Variants in HIVEP3 observed in about 807,000 individuals in gnomAD.
HIVEP3 encodes HIVEP zinc finger 3, also known as transcription factor HIVEP3.
Under a neutral mutation model 152.8 loss-of-function variants are expected in HIVEP3, and 49 were observed. The ratio of observed to expected loss-of-function variants is 0.32; its 90% confidence interval spans 0.26 to 0.41. The LOEUF (loss-of-function observed/expected upper bound fraction) is 0.41, where lower values mean the gene tolerates loss of function less well. HIVEP3 is among the 10% of genes least tolerant of loss of function. The pLI, the probability that HIVEP3 is intolerant of heterozygous loss-of-function variation, is 1.00. For synonymous variants in HIVEP3, 1,269 were observed against 1,289.0 expected, an observed-to-expected ratio of 0.98 and a Z score of 0.33; for missense variants, 2,790 against 3,103.3, an observed-to-expected ratio of 0.90 and a Z score of 2.40.
rs867920509 is a variant in HIVEP3 at position 41,658,628 on chromosome 1, G to T, written c.-720-29681C>A. On this transcript the variant is annotated intron_variant, in intron 2 of 8. Transcript: ENST00000372583. ...TTCTCCTGTGATCCTGCTCTGCAGC[G>T]GAGGAAGCAGGGGCTCAAGGGGGTG... Among the ~76,000 whole-genome samples, 8 of 152,178 alleles carry T rather than the reference G, an allele frequency of 5.3e-5. No individual in the cohort carries two copies. The East Asian group carries it at 1.5e-3, about 29-fold the overall frequency.
intron 4 of HIVEP3, among the ~76,000 whole-genome samples, chr1:41,578,022 T>C (rs976575935): frequency 3.9e-5 from 6 of 152,242 alleles, no homozygotes; most frequent in African/African-American, 1.4e-4. Flanking sequence ...TCCTTTCTCT[T>C]AAATGGCCTG....
chr1:41,530,580 C>T (rs573630491), intron 5 of HIVEP3, among the ~76,000 whole-genome samples: 1 of 152,322 alleles, frequency 6.6e-6, no homozygotes, highest in South Asian at 2.1e-4. Context: ...CTAGCCTTCA[C>T]CTGGCCTTGC....
At chr1:41,769,892 A>C (rs1186207999) in intron 1 of HIVEP3, among the ~76,000 whole-genome samples, 1 of 152,252 alleles carries the variant, frequency 6.6e-6, no homozygotes, top group African/African-American at 2.4e-5. Flanking sequence ...AAAGTAGAAA[A>C]ATCACTCTTA....
intron 1 of HIVEP3, among the ~76,000 whole-genome samples, chr1:41,842,070 C>T (rs1360412333): frequency 6.6e-6 from 1 of 151,512 alleles, no homozygotes; most frequent in Non-Finnish European, 1.5e-5. Context: ...TCAGCCCGGG[C>T]AACAGAGAGA....
chr1:41,530,104 CCT>C (rs1643200307), intron 5 of HIVEP3, among the ~76,000 whole-genome samples: 1 of 152,118 alleles, frequency 6.6e-6, no homozygotes, highest in African/African-American at 2.4e-5. Flanking sequence ...ACAGGTGGAC[CCT>C]GTTTTTTTGT....
chr1:41,586,636 T>A (rs1207964366), intron 3 of HIVEP3, among the ~76,000 whole-genome samples: 1 of 152,054 alleles, frequency 6.6e-6, no homozygotes, highest in Non-Finnish European at 1.5e-5. Flanking sequence ...GACTTGAAAA[T>A]GCCACTTACT....
chr1:41,585,359 C>T (rs1436142526), intron 3 of HIVEP3, 41 bp from the exon 4 acceptor site: 1 of 398,886 alleles, frequency 2.5e-6, no homozygotes, highest in Non-Finnish European at 4.4e-6. Context: ...TACACACACA[C>T]AAAAGAGAAG....
At chr1:41,608,413 C>T (rs55766261) in intron 3 of HIVEP3, among the ~76,000 whole-genome samples, 4,233 of 152,328 alleles carry the variant, frequency 0.028, 77 homozygotes, top group Middle Eastern at 0.054. Flanking sequence ...TGCTCAGCTG[C>T]TGTCTCAGAC....
intron 1 of HIVEP3, among the ~76,000 whole-genome samples, chr1:41,886,845 GA>G (rs1557486141): frequency 6.6e-6 from 1 of 151,780 alleles, no homozygotes. Context: ...AGTTTTCACT[GA>G]TGCCTATTCG....
At chr1:41,900,042 G>C (rs1432686510) in intron 1 of HIVEP3, among the ~76,000 whole-genome samples, 2 of 152,088 alleles carry the variant, frequency 1.3e-5, no homozygotes, top group African/African-American at 4.8e-5. Flanking sequence ...GCTTGTGAGA[G>C]TTATTCTGAA....
chr1:41,791,163 C>T (rs1649669233), intron 1 of HIVEP3, among the ~76,000 whole-genome samples: 1 of 144,092 alleles, frequency 6.9e-6, no homozygotes, highest in Non-Finnish European at 1.5e-5. Context: ...CACACACACA[C>T]ACGAGTCTAC....
intron 1 of HIVEP3, among the ~76,000 whole-genome samples, chr1:41,801,339 G>A (rs905755010): frequency 6.6e-6 from 1 of 152,076 alleles, no homozygotes; most frequent in Non-Finnish European, 1.5e-5. Flanking sequence ...GGTTCCTCAA[G>A]GCCATGCCAC....
In HIVEP3 at chr1:41,949,511, G is replaced by A. The variant is rs568831612; in HGVS notation, n.120-30987C>T. ...AGGGGGAACCTGTTTATTTTTAGGG[G>A]AAGAATGCTGTTATTATGTTAATCA... On this transcript the variant is annotated intron_variant and non_coding_transcript_variant, in intron 1 of 3. Transcript: ENST00000489103. Among the ~76,000 whole-genome samples, 44 of 152,152 alleles carry A rather than the reference G, an allele frequency of 2.9e-4. No individual in the cohort carries two copies. In the South Asian group the frequency reaches 8.5e-3, roughly 29 times the overall value.
At chr1:41,954,544 CT>C (rs2124493554) in intron 1 of HIVEP3, among the ~76,000 whole-genome samples, 1 of 152,374 alleles carries the variant, frequency 6.6e-6, no homozygotes, top group African/African-American at 2.4e-5. Context: ...AACCTGGCAG[CT>C]GTTTGCAAGG....
At chr1:41,785,114 ACT>A (rs1350305446) in intron 1 of HIVEP3, among the ~76,000 whole-genome samples, 3 of 151,874 alleles carry the variant, frequency 2.0e-5, no homozygotes, top group Non-Finnish European at 2.9e-5. Flanking sequence ...TGCTCAAATC[ACT>A]CTCTTTCCCC....
At chr1:41,552,453 T>G (rs1643904764) in intron 5 of HIVEP3, among the ~76,000 whole-genome samples, 1 of 147,152 alleles carries the variant, frequency 6.8e-6, no homozygotes. Flanking sequence ...CACCTATGAG[T>G]GAGAATATGC....
At chr1:41,928,449 T>G (rs1352950289) in intron 1 of HIVEP3, among the ~76,000 whole-genome samples, 1 of 152,208 alleles carries the variant, frequency 6.6e-6, no homozygotes, top group Non-Finnish European at 1.5e-5. Context: ...CAGTTTTCAC[T>G]AACAGAAACA....
chr1:42,013,959 C>T (rs1369394703), intron 1 of HIVEP3, among the ~76,000 whole-genome samples: 1 of 152,126 alleles, frequency 6.6e-6, no homozygotes, highest in Admixed American at 6.5e-5. Flanking sequence ...AAAACTATTT[C>T]CCCCCAAAGT....
chr1:42,010,877 C>T (rs1382955212), intron 1 of HIVEP3, among the ~76,000 whole-genome samples: 1 of 152,100 alleles, frequency 6.6e-6, no homozygotes, highest in Admixed American at 6.5e-5. Flanking sequence ...CACCCCACCT[C>T]CAAGGCTCAG....
Sources: allele counts gnomAD v4.1 joint callset (sites outside exome capture counted in the v4.1 genomes callset), GRCh38; gene constraint gnomAD v4.1.1; transcripts MANE v1.5; gene names NCBI Gene and HGNC (gene_info 2026-07-23, HGNC 2026-07-21).